KBTBD11: variants seen among roughly 807,000 people sequenced by gnomAD.
KBTBD11 encodes the protein kelch repeat and BTB domain containing 11, also known as kelch repeat and BTB domain-containing protein 11.
For missense variants in KBTBD11, 1,390 were observed against 1,001.8 expected (o/e 1.39, Z -5.23); for synonymous variants, 747 against 499.0 (o/e 1.50, Z -6.63).
At chr8:1,997,189 C>T (rs968147866) in intron 1 of KBTBD11, among the ~76,000 whole-genome samples, 12 of 152,102 alleles carry the variant, frequency 7.9e-5, no homozygotes, top group Admixed American at 7.2e-4. Context: ...ATGGACGCTC[C>T]TCAGGGAGCC....
At chr8:1,989,118 C>A (rs907904911) in intron 1 of KBTBD11, among the ~76,000 whole-genome samples, 1 of 152,140 alleles carries the variant, frequency 6.6e-6, no homozygotes, top group Non-Finnish European at 1.5e-5. Flanking sequence ...CTCTCCAGAG[C>A]CTTGGTGCTC....
chr8:1,984,109 C>G lies in KBTBD11; in HGVS notation c.-909+10174C>G, dbSNP rs572930541. On this transcript the variant is annotated intron_variant, in intron 1 of 1. Coordinates refer to ENST00000320248, the MANE Select transcript of KBTBD11 (RefSeq NM_014867.3). ...CGCGCCATTGCCTGGGCAACAAGAGCGACCGTCTGAAAAAAATTTAGAAAA... is the reference window on the plus strand; with the variant it reads ...CGCGCCATTGCCTGGGCAACAAGAGGGACCGTCTGAAAAAAATTTAGAAAA... 2.6e-5 allele frequency among the ~76,000 whole-genome samples: 4 copies of G among 151,900 alleles called. No homozygotes were observed. In the South Asian group the frequency reaches 6.2e-4, roughly 24 times the overall value.
intron 1 of KBTBD11, among the ~76,000 whole-genome samples, chr8:1,984,441 C>T (rs1186800244): frequency 6.6e-6 from 1 of 151,902 alleles, no homozygotes; most frequent in Admixed American, 6.6e-5. Flanking sequence ...GCTGCCCGCA[C>T]CACACCTGGC....
In KBTBD11 at chr8:1,979,084, C is replaced by G. The variant is rs188750899; in HGVS notation, c.-909+5149C>G. On this transcript the variant is annotated intron_variant, in intron 1 of 1. Transcript: ENST00000320248. The stretch of plus-strand genomic sequence containing the variant: ...TGTGTGTGCATGTGTGTGCATGTGT[C>G]TGCACGTGTGAGAGGGATTAGAGAG... Among the ~76,000 whole-genome samples the G allele has an allele frequency of 1.0e-3, 157 of 152,192 alleles. 1 individual carries two copies. Among genetic ancestry groups the G allele is most frequent in the Admixed American group, 7.1e-3 (108 of 15,296 alleles).
Position 1,973,833 on chromosome 8 carries a change from C to T in KBTBD11, c.-1011C>T, listed in dbSNP as rs968858525. On this transcript the variant is annotated 5_prime_UTR_variant, in exon 1 of 2. Transcript: ENST00000320248. The stretch of plus-strand genomic sequence containing the variant: ...TCGCAGGTGCTCGGAGAGGCCGGGC[C>T]GCGGCTCCCACAGGTGCCGGGAAGC... 2.4e-5 allele frequency: 24 copies of T among 982,942 alleles called. No homozygotes were observed. The highest frequency in any genetic ancestry group is 1.0e-3 in the Middle Eastern group (2 of 1,930). 60.9% of individuals were successfully genotyped at this position (982,942 alleles called of 1,614,324 possible).
chr8:2,001,761 A>T lies in KBTBD11; in HGVS notation c.569A>T (p.Asp190Val). 7.7e-7 allele frequency: 1 copy of T among 1,299,098 alleles called. No homozygotes were observed. The highest frequency in any genetic ancestry group is 9.7e-7 in the Non-Finnish European group (1 of 1,026,380). The allele number at this position is 1,299,098 out of a possible 1,614,324, so 80.5% of individuals were successfully genotyped here. A position where few individuals can be genotyped will look rare whatever the true frequency, so the allele number is the denominator to read the frequency against. ...ACGGCGCTGCGGCTGCTCCTCGCCG[A>T]CGCCTACAGCGGGCGCATGGCGGGC... ...SLTALRLLLA[D>V]AYSGRMAGVR... The change falls in exon 2 of 2, where the codon GAC becomes GTC. Residue 190 changes from aspartate to valine, a missense_variant. By Grantham distance (152) the Asp-to-Val change is radical (BLOSUM62 -3). Coordinates refer to ENST00000320248, the MANE Select transcript of KBTBD11 (RefSeq NM_014867.3).
In KBTBD11 at chr8:2,002,434, C is replaced by T; in HGVS notation, c.1242C>T (p.Leu414=). The T allele has an allele frequency of 6.6e-7, 1 of 1,505,728 alleles. No homozygotes were observed. Among genetic ancestry groups the T allele is most frequent in the Non-Finnish European group, 8.8e-7 (1 of 1,134,530 alleles). 93.3% of individuals were successfully genotyped at this position (1,505,728 alleles called of 1,614,324 possible). The part of the protein sequence containing the change: ...QLRLLALDGH[L]YAVGGECLLS... ...GGCTGCTGGCCCTGGACGGTCACCT[C>T]TACGCCGTGGGCGGCGAGTGCCTGC... Residue 414 remains leucine, a synonymous_variant, in exon 2 of 2, where the codon CTC becomes CTT. Coordinates refer to ENST00000320248, the MANE Select transcript of KBTBD11 (RefSeq NM_014867.3). This position sits in a 1 kb window ranked among gnomAD's most constrained non-coding sequence, Gnocchi z 4.1.
Position 2,000,348 on chromosome 8 carries a change from A to C in KBTBD11, c.-845A>C, listed in dbSNP as rs1477447156. The C allele has an allele frequency of 6.6e-6, 1 of 152,294 alleles. No homozygotes were observed. The highest frequency in any genetic ancestry group is 1.5e-5 in the Non-Finnish European group (1 of 68,096). 9.4% of individuals were successfully genotyped at this position (152,294 alleles called of 1,614,324 possible). A position where few individuals can be genotyped will look rare whatever the true frequency, so the allele number is the denominator to read the frequency against. ...ATCCCAGCAAAGGAAGCTGCAGAGG[A>C]AGGGTCCTGCCCCGTGAGCGAGGAC... On this transcript the variant is annotated 5_prime_UTR_variant, in exon 2 of 2. Coordinates refer to ENST00000320248, the MANE Select transcript of KBTBD11 (RefSeq NM_014867.3).
chr8:2,002,832 C>T lies in KBTBD11; in HGVS notation c.1640C>T (p.Pro547Leu). The change falls in exon 2 of 2, where the codon CCC becomes CTC. Residue 547 changes from proline (P) to leucine (L), a missense_variant. Coordinates refer to ENST00000320248, the MANE Select transcript of KBTBD11 (RefSeq NM_014867.3). The surrounding 1 kb of genome is among the most constrained non-coding windows in gnomAD (Gnocchi z 4.1). ...CVAPLRLPGGPTGLQPFRCAA... is the reference protein window; with the variant it reads ...CVAPLRLPGGLTGLQPFRCAA... Reference sequence around the variant, plus strand: ...GCGCCCCTGCGCCTCCCCGGCGGCCCCACGGGCCTGCAGCCCTTCCGCTGC... The same window carrying T: ...GCGCCCCTGCGCCTCCCCGGCGGCCTCACGGGCCTGCAGCCCTTCCGCTGC... 3 of 1,424,340 alleles carry T rather than the reference C, an allele frequency of 2.1e-6. No homozygotes were observed. The highest frequency in any genetic ancestry group is 1.5e-5 in the South Asian group (1 of 68,886). The allele number at this position is 1,424,340 out of a possible 1,614,324, so 88.2% of individuals were successfully genotyped here.
At chr8:1,994,982 C>T (rs990401608) in intron 1 of KBTBD11, among the ~76,000 whole-genome samples, 1 of 150,318 alleles carries the variant, frequency 6.7e-6, no homozygotes, top group African/African-American at 2.5e-5. Flanking sequence ...TCCCTTGAAC[C>T]CAGGAGGCAG....
chr8:2,000,049 T>C (rs892102494), intron 1 of KBTBD11, among the ~76,000 whole-genome samples: 1 of 152,160 alleles, frequency 6.6e-6, no homozygotes, highest in African/African-American at 2.4e-5. Context: ...AACTGGACTC[T>C]CCTGAGTCCT....
chr8:2,004,046 G>A lies in KBTBD11; in HGVS notation c.*982G>A, dbSNP rs938686973. 1 of 166,832 alleles carries A rather than the reference G, an allele frequency of 6.0e-6. No individual in the cohort carries two copies. The highest frequency in any genetic ancestry group is 1.5e-5 in the Non-Finnish European group (1 of 68,132). The allele number at this position is 166,832 out of a possible 1,614,324, so 10.3% of individuals were successfully genotyped here. On this transcript the variant is annotated 3_prime_UTR_variant, in exon 2 of 2. Transcript: ENST00000320248. ...ACATTTTAAACCCACTGTATATGAT[G>A]TTTTCAATGTGGATCGTGTAGTTCT... is the stretch of plus-strand genomic sequence containing the variant.
intron 1 of KBTBD11, among the ~76,000 whole-genome samples, chr8:1,990,006 G>A (rs1816853279): frequency 7.5e-6 from 1 of 133,224 alleles, no homozygotes; most frequent in African/African-American, 2.7e-5. Flanking sequence ...ATTGAACTTT[G>A]GTGTTGGTCA....
Position 2,006,242 on chromosome 8 carries a change from G to A in KBTBD11, c.*3178G>A, listed in dbSNP as rs1044710338. ...GCCGTTGAATCTGTCAGTCTCTTAG[G>A]TAACTTCCTGTAAACGATTTGGAAA... On this transcript the variant is annotated 3_prime_UTR_variant, in exon 2 of 2. Coordinates refer to ENST00000320248, the MANE Select transcript of KBTBD11 (RefSeq NM_014867.3). 2 of 167,036 alleles carry A rather than the reference G, an allele frequency of 1.2e-5. No individual in the cohort carries two copies. Among genetic ancestry groups the A allele is most frequent in the African/African-American group, 4.8e-5 (2 of 41,444 alleles). 10.3% of individuals were successfully genotyped at this position (167,036 alleles called of 1,614,324 possible). A position where few individuals can be genotyped will look rare whatever the true frequency, so the allele number is the denominator to read the frequency against.
intron 1 of KBTBD11, among the ~76,000 whole-genome samples, chr8:1,999,928 G>T (rs1817277781): frequency 6.6e-6 from 1 of 152,040 alleles, no homozygotes; most frequent in Admixed American, 6.6e-5. Context: ...TTTTTATGTT[G>T]AAAACAGTTA....
intron 1 of KBTBD11, among the ~76,000 whole-genome samples, chr8:1,994,677 C>T (rs924762426): frequency 5.9e-5 from 9 of 152,228 alleles, no homozygotes; most frequent in Admixed American, 2.0e-4. Flanking sequence ...GCAAAATAGA[C>T]GCCCGCTGCT....
At chr8:1,989,445 G>A (rs572460736) in intron 1 of KBTBD11, among the ~76,000 whole-genome samples, 3 of 152,280 alleles carry the variant, frequency 2.0e-5, no homozygotes, top group South Asian at 4.1e-4. Flanking sequence ...CAAGTTGACC[G>A]CACACTTCTG....
rs952091490 is a variant in KBTBD11, at chr8:2,003,329, G to A, written c.*265G>A. The A allele has an allele frequency of 7.6e-6, 3 of 394,616 alleles. No homozygotes were observed. Among genetic ancestry groups the A allele is most frequent in the Non-Finnish European group, 1.3e-5 (3 of 232,524 alleles). 24.4% of individuals were successfully genotyped at this position (394,616 alleles called of 1,614,324 possible). ...CAGACAGGACACAGAGAAGGCTGTG[G>A]GATCCAAAGGGTCAGCCTCAGGGTA... is the stretch of plus-strand genomic sequence containing the variant. On this transcript the variant is annotated 3_prime_UTR_variant, in exon 2 of 2. Coordinates refer to ENST00000320248, the MANE Select transcript of KBTBD11 (RefSeq NM_014867.3).
rs1817497782 is a variant in KBTBD11, at chr8:2,004,044, A to C, written c.*980A>C. The C allele has an allele frequency of 6.0e-6, 1 of 166,874 alleles. No individual in the cohort carries two copies. The highest frequency in any genetic ancestry group is 6.5e-5 in the Admixed American group (1 of 15,284). The allele number at this position is 166,874 out of a possible 1,614,324, so 10.3% of individuals were successfully genotyped here. ...GCACATTTTAAACCCACTGTATATG[A>C]TGTTTTCAATGTGGATCGTGTAGTT... On this transcript the variant is annotated 3_prime_UTR_variant, in exon 2 of 2. Coordinates refer to ENST00000320248, the MANE Select transcript of KBTBD11 (RefSeq NM_014867.3).
Sources: allele counts gnomAD v4.1 joint callset (sites outside exome capture counted in the v4.1 genomes callset), GRCh38; gene constraint gnomAD v4.1.1; non-coding constraint Gnocchi (gnomAD v3.1); transcripts MANE v1.5; gene names NCBI Gene and HGNC (gene_info 2026-07-23, HGNC 2026-07-21).